The following SAMD12 variants were observed in gnomAD, a reference collection of about 807,000 sequenced individuals.
The protein encoded by SAMD12 is sterile alpha motif domain-containing protein 12.
In SAMD12, 9 loss-of-function variants were observed where a neutral mutation model predicts 15.0. The ratio of observed to expected loss-of-function variants is 0.60; its 90% CI spans 0.36 to 1.05. The LOEUF (loss-of-function observed/expected upper bound fraction) is 1.05, where lower values mean the gene tolerates loss of function less well. SAMD12 is among the 50% of genes least tolerant of loss of function. The probability of loss-of-function intolerance (pLI) is 0.01; values close to 1 mark genes in which losing one functional copy is unlikely to be tolerated. For synonymous variants in SAMD12, 86 were observed against 90.1 expected, an observed-to-expected ratio of 0.96 and a Z score of 0.25; for missense variants, 230 against 234.2, an observed-to-expected ratio of 0.98 and a Z score of 0.12.
intron 2 of SAMD12, among the ~76,000 whole-genome samples, chr8:118,471,999 C>A (rs1197743489): frequency 1.3e-5 from 2 of 152,128 alleles, no homozygotes; most frequent in African/African-American, 2.4e-5. Context: ...GTAAAAAGTA[C>A]ACAATAGGCC....
chr8:118,154,683 T>A, the SAMD12 span, among the ~76,000 whole-genome samples: 1 of 152,178 alleles, frequency 6.6e-6, no homozygotes, highest in Admixed American at 6.5e-5. Flanking sequence ...TATATAGCCG[T>A]AAGAGGCAGT....
downstream of SAMD12, among the ~76,000 whole-genome samples, chr8:118,377,731 C>A (rs187426735): frequency 5.9e-5 from 9 of 152,210 alleles, no homozygotes; most frequent in African/African-American, 1.7e-4. Context: ...ACACTGCAGG[C>A]TGACATTAGT....
intron 2 of SAMD12, among the ~76,000 whole-genome samples, chr8:118,515,071 T>A (rs1409676493): frequency 6.6e-6 from 1 of 152,036 alleles, no homozygotes; most frequent in Non-Finnish European, 1.5e-5. Context: ...CAGGCTGCAG[T>A]GCGGTGGCGT....
chr8:118,313,754 G>T (rs1008915087), intron 4 of SAMD12, among the ~76,000 whole-genome samples: 1 of 151,768 alleles, frequency 6.6e-6, no homozygotes, highest in East Asian at 1.9e-4. Flanking sequence ...TTTTTCCTAA[G>T]TCTGAAATAT....
At chr8:118,491,524 T>G (rs917443106) in intron 2 of SAMD12, among the ~76,000 whole-genome samples, 1 of 152,204 alleles carries the variant, frequency 6.6e-6, no homozygotes, top group Non-Finnish European at 1.5e-5. Context: ...AGATCCTAAG[T>G]GTTTTCTCCT....
At chr8:118,266,106 G>C (rs1303413821) in intron 4 of SAMD12, among the ~76,000 whole-genome samples, 1 of 152,082 alleles carries the variant, frequency 6.6e-6, no homozygotes, top group Non-Finnish European at 1.5e-5. Flanking sequence ...GCAAGACAGA[G>C]TGGTGAGTGA....
At chr8:118,613,466 T>C (rs1264787426) in intron 1 of SAMD12, among the ~76,000 whole-genome samples, 2 of 152,250 alleles carry the variant, frequency 1.3e-5, no homozygotes, top group Non-Finnish European at 2.9e-5. Context: ...ACAGGACTTA[T>C]GTCAGCAGGA....
chr8:118,524,649 T>C (rs1825483756), intron 2 of SAMD12, among the ~76,000 whole-genome samples: 1 of 152,164 alleles, frequency 6.6e-6, no homozygotes, highest in African/African-American at 2.4e-5. Context: ...CAACTAAGAA[T>C]GTCTTAAAGA....
At chr8:118,559,534 T>C (rs1826647571) in intron 2 of SAMD12, among the ~76,000 whole-genome samples, 2 of 152,238 alleles carry the variant, frequency 1.3e-5, no homozygotes, top group Admixed American at 1.3e-4. Context: ...AGGATTTTTA[T>C]TTTATCTAGC....
chr8:118,550,115 T>G (rs942159528), intron 2 of SAMD12, among the ~76,000 whole-genome samples: 9 of 152,020 alleles, frequency 5.9e-5, no homozygotes, highest in African/African-American at 2.2e-4. Context: ...CAGGATATTA[T>G]CCAGGAGAGC....
At chr8:118,487,936 A>G (rs73708335) in intron 2 of SAMD12, among the ~76,000 whole-genome samples, 3,317 of 152,238 alleles carry the variant, frequency 0.022, 104 homozygotes, top group African/African-American at 0.073. Flanking sequence ...GCGATATATA[A>G]TTAATATAAT....
chr8:118,615,358 T>C (rs1307011511), intron 1 of SAMD12, among the ~76,000 whole-genome samples: 1 of 152,090 alleles, frequency 6.6e-6, no homozygotes, highest in Non-Finnish European at 1.5e-5. Flanking sequence ...TATCATTCAG[T>C]CTAATCTGCT....
At chr8:118,256,702 C>A (rs907479935) in intron 4 of SAMD12, among the ~76,000 whole-genome samples, 1 of 151,008 alleles carries the variant, frequency 6.6e-6, no homozygotes, top group Non-Finnish European at 1.5e-5. Flanking sequence ...ATGTAAATGG[C>A]CAGCTCCTAG....
chr8:118,254,895 G>A (rs1206186828), intron 4 of SAMD12, among the ~76,000 whole-genome samples: 1 of 151,846 alleles, frequency 6.6e-6, no homozygotes, highest in East Asian at 1.9e-4. Context: ...CCTCCTGCTT[G>A]AGAGTCCTAC....
intron 4 of SAMD12, among the ~76,000 whole-genome samples, chr8:118,229,840 A>T (rs1481966075): frequency 6.6e-6 from 1 of 152,156 alleles, no homozygotes; most frequent in Non-Finnish European, 1.5e-5. Context: ...CAGGGCCAGT[A>T]ATGAGTGCCA....
At chr8:118,363,028 T>C (rs557323711) in intron 4 of SAMD12, among the ~76,000 whole-genome samples, 11 of 152,244 alleles carry the variant, frequency 7.2e-5, no homozygotes, top group Non-Finnish European at 1.6e-4. Context: ...GTGATAACTA[T>C]GTTTTGATAA....
At chr8:118,306,680 C>A (rs1442317164) in intron 4 of SAMD12, among the ~76,000 whole-genome samples, 1 of 152,182 alleles carries the variant, frequency 6.6e-6, no homozygotes, top group Non-Finnish European at 1.5e-5. Context: ...AAATAAAATT[C>A]TCTTTTGTCT....
intron 2 of SAMD12, among the ~76,000 whole-genome samples, chr8:118,488,533 C>T (rs752592227): frequency 6.6e-6 from 1 of 152,036 alleles, no homozygotes; most frequent in African/African-American, 2.4e-5. Flanking sequence ...GCACCCAATC[C>T]CCTCCCACCA....
Position 118,457,945 on chromosome 8 carries a change from G to A in SAMD12, c.193-17984C>T, listed in dbSNP as rs114218530. 1.0e-2 allele frequency among the ~76,000 whole-genome samples: 1,517 copies of A among 152,254 alleles called. 29 individuals are homozygous for A. The highest frequency in any genetic ancestry group is 0.034 in the African/African-American group (1,393 of 41,550). On this transcript the variant is annotated intron_variant, in intron 2 of 3. Coordinates refer to ENST00000314727, the MANE Select transcript of SAMD12 (RefSeq NM_207506.3). The stretch of plus-strand genomic sequence containing the variant: ...GGCCTCCTCTAGGGAGGATCATTCA[G>A]GACCATAAATAGAAATCTGGAATCT...
Sources: allele counts gnomAD v4.1 joint callset (sites outside exome capture counted in the v4.1 genomes callset), GRCh38; gene constraint gnomAD v4.1.1; transcripts MANE v1.5; gene names NCBI Gene and HGNC (gene_info 2026-07-23, HGNC 2026-07-21).